Variants in COL25A1 observed in about 807,000 individuals in gnomAD.
COL25A1 encodes the protein collagen type XXV alpha 1 chain, also known as collagen alpha-1(XXV) chain.
COL25A1 carries 103 observed loss-of-function variants against 128.4 expected under a neutral mutation model. The observed-to-expected ratio is 0.80, with a 90% CI of 0.68 to 0.94. The LOEUF (loss-of-function observed/expected upper bound fraction) is 0.94. COL25A1 is among the 40% of genes least tolerant of loss of function. The pLI is 0.00. For missense variants in COL25A1, 745 were observed against 840.0 expected, an observed-to-expected ratio of 0.89 and a Z score of 1.40; for synonymous variants, 279 against 277.2, an observed-to-expected ratio of 1.01 and a Z score of -0.06.
intron 11 of COL25A1, among the ~76,000 whole-genome samples, chr4:108,922,400 C>A (rs1238800139): frequency 2.0e-5 from 3 of 151,948 alleles, no homozygotes; most frequent in Non-Finnish European, 4.4e-5. Flanking sequence ...AGTATTTAGA[C>A]CGAGAATGTG....
chr4:109,098,564 C>A (rs1042939270), intron 3 of COL25A1, among the ~76,000 whole-genome samples: 1 of 152,166 alleles, frequency 6.6e-6, no homozygotes, highest in African/African-American at 2.4e-5. Flanking sequence ...TTTTCACTCT[C>A]TGGATGATAA....
intron 11 of COL25A1, among the ~76,000 whole-genome samples, chr4:108,935,160 C>T (rs1252691629): frequency 1.3e-5 from 2 of 151,940 alleles, no homozygotes; most frequent in East Asian, 3.9e-4. Context: ...GCTGTGAAAG[C>T]CATTAAAAGA....
chr4:109,201,800 A>C (rs1776576866), intron 3 of COL25A1, among the ~76,000 whole-genome samples: 1 of 152,202 alleles, frequency 6.6e-6, no homozygotes, highest in Non-Finnish European at 1.5e-5. Flanking sequence ...CAGGATATAA[A>C]GTTAAAATGC....
At chr4:109,287,932 C>A (rs931421820) in intron 3 of COL25A1, among the ~76,000 whole-genome samples, 1 of 152,128 alleles carries the variant, frequency 6.6e-6, no homozygotes, top group Non-Finnish European at 1.5e-5. Context: ...GCAAACAAAT[C>A]TTTCGAAGTA....
rs912942353 is a variant in COL25A1 at position 108,811,061 on chromosome 4, C to G, written c.*2866G>C. ...CTTTCATGTATATTTTCTCAACCCT[C>G]TATCCAATAACACACATTAAAGAAA... is the stretch of plus-strand genomic sequence containing the variant. On this transcript the variant is annotated 3_prime_UTR_variant, in exon 38 of 38. Coordinates refer to ENST00000399132, the MANE Select transcript of COL25A1 (RefSeq NM_198721.4). The G allele has an allele frequency of 2.0e-5, 3 of 152,018 alleles. No homozygotes were observed. Among genetic ancestry groups the G allele is most frequent in the Non-Finnish European group, 2.9e-5 (2 of 67,882 alleles). The allele number at this position is 152,018 out of a possible 1,614,324, so 9.4% of individuals were successfully genotyped here.
At chr4:109,189,718 T>C (rs1197325162) in intron 3 of COL25A1, among the ~76,000 whole-genome samples, 1 of 152,150 alleles carries the variant, frequency 6.6e-6, no homozygotes, top group Non-Finnish European at 1.5e-5. Flanking sequence ...TTCAAAGTAT[T>C]AATGTTTATT....
chr4:108,859,830 A>G (rs1736963952), intron 23 of COL25A1, 97 bp from the exon 24 acceptor site: 1 of 791,096 alleles, frequency 1.3e-6, no homozygotes, highest in Admixed American at 2.4e-5. Flanking sequence ...GCTCTCTCTG[A>G]ATATCATTTC....
chr4:109,042,039 A>G lies in COL25A1; in HGVS notation c.420+6129T>C, dbSNP rs568264658. On this transcript the variant is annotated intron_variant, in intron 5 of 37. Coordinates refer to ENST00000399132, the MANE Select transcript of COL25A1 (RefSeq NM_198721.4). The stretch of plus-strand genomic sequence containing the variant: ...AAATTGTCAATATTTTTGTATGTCT[A>G]TTTCTTCTTCCTTGTTCCTTTTTAA... 5.5e-4 allele frequency among the ~76,000 whole-genome samples: 83 copies of G among 152,032 alleles called. 1 individual carries two copies. The highest frequency in any genetic ancestry group is 8.1e-4 in the Non-Finnish European group (55 of 67,942).
intron 3 of COL25A1, among the ~76,000 whole-genome samples, chr4:109,104,739 A>G (rs143007761): frequency 2.0e-5 from 3 of 152,334 alleles, no homozygotes; most frequent in Admixed American, 2.0e-4. Context: ...AGAGAGAGAG[A>G]GGCAACCTAT....
intron 3 of COL25A1, among the ~76,000 whole-genome samples, chr4:109,183,923 C>CAA (rs34164987): frequency 0.093 from 9,844 of 105,426 alleles, 699 homozygotes; most frequent in African/African-American, 0.21. Context: ...ACACCAACTT[C>CAA]AAAAAAAAAA....
chr4:108,940,493 C>A, intron 10 of COL25A1, 46 bp downstream of exon 10: 2 of 1,527,900 alleles, frequency 1.3e-6, no homozygotes, highest in Non-Finnish European at 1.8e-6. Context: ...CAGCCCTTAA[C>A]ATGAAGCAAA....
intron 3 of COL25A1, among the ~76,000 whole-genome samples, chr4:109,245,449 T>G (rs114578516): frequency 0.059 from 8,944 of 152,104 alleles, 532 homozygotes; most frequent in African/African-American, 0.16. Context: ...AACAAAGGTA[T>G]CCTATCATAT....
At chr4:108,822,398 T>C (rs1731886393) in intron 35 of COL25A1, among the ~76,000 whole-genome samples, 1 of 152,106 alleles carries the variant, frequency 6.6e-6, no homozygotes, top group South Asian at 2.1e-4. Context: ...ACTAGGTAAA[T>C]ATAAAATGCA....
chr4:108,834,163 C>G (rs935957342), intron 31 of COL25A1, among the ~76,000 whole-genome samples: 2 of 152,172 alleles, frequency 1.3e-5, no homozygotes, highest in Non-Finnish European at 2.9e-5. Flanking sequence ...AGCTGTTCTC[C>G]GGACAGAGTT....
intron 5 of COL25A1, among the ~76,000 whole-genome samples, chr4:109,022,901 TG>T (rs1206676611): frequency 6.6e-6 from 1 of 152,056 alleles, no homozygotes; most frequent in Admixed American, 6.6e-5. Context: ...TGCTTTGGGG[TG>T]GAAATGTTGC....
chr4:109,067,226 G>A (rs1762522182), intron 3 of COL25A1, among the ~76,000 whole-genome samples: 1 of 152,082 alleles, frequency 6.6e-6, no homozygotes, highest in Admixed American at 6.5e-5. Context: ...AGCTTTATAA[G>A]AGAACATCCT....
At chr4:109,266,041 G>A (rs190769135) in intron 3 of COL25A1, among the ~76,000 whole-genome samples, 2 of 152,090 alleles carry the variant, frequency 1.3e-5, no homozygotes, top group Admixed American at 6.6e-5. Context: ...AAAACAGGTC[G>A]ACTCTTGAGG....
intron 13 of COL25A1, among the ~76,000 whole-genome samples, chr4:108,910,128 T>C (rs945396961): frequency 6.6e-6 from 1 of 152,354 alleles, no homozygotes; most frequent in South Asian, 2.1e-4. Flanking sequence ...CTTGAAAATA[T>C]ATCCATTTTT....
At chr4:108,838,485 G>A (rs759280418) in intron 31 of COL25A1, among the ~76,000 whole-genome samples, 11 of 151,808 alleles carry the variant, frequency 7.2e-5, no homozygotes, top group Non-Finnish European at 1.6e-4. Context: ...ACATTTTTAT[G>A]ATCAAATAAT....
Sources: gnomAD v4.1 joint callset for allele counts (sites outside exome capture counted in the v4.1 genomes callset) on GRCh38, gnomAD v4.1.1 for gene constraint, MANE v1.5 for transcripts, NCBI Gene and HGNC (gene_info 2026-07-23, HGNC 2026-07-21) for gene names.